Variants in SLC16A12 observed in about 807,000 individuals in gnomAD.
SLC16A12 encodes the protein monocarboxylate transporter 12.
A neutral mutation model predicts 42.4 loss-of-function variants in SLC16A12; 17 were observed. The observed-to-expected ratio is 0.40, with a 90% CI of 0.27 to 0.60. The LOEUF is 0.60. Among genes scored for constraint, SLC16A12 ranks in the 20% least tolerant of loss-of-function variants. SLC16A12 has a pLI of 0.42. For missense variants in SLC16A12, 544 were observed against 623.0 expected (o/e 0.87, Z 1.35); for synonymous variants, 224 against 229.4 (o/e 0.98, Z 0.21).
chr10:89,436,510 G>A (rs992073886), intron 6 of SLC16A12, among the ~76,000 whole-genome samples, 191 bp from the exon 7 acceptor site: 4 of 152,150 alleles, frequency 2.6e-5, no homozygotes, highest in African/African-American at 9.7e-5. Flanking sequence ...GAAGCATGGT[G>A]TGGTAGAAAG....
At chr10:89,548,081 GA>G in intron 2 of SLC16A12, among the ~76,000 whole-genome samples, 1 of 152,000 alleles carries the variant, frequency 6.6e-6, no homozygotes, top group African/African-American at 2.4e-5. Flanking sequence ...AAGCAGGAAG[GA>G]AGGCAGTCTT....
chr10:89,553,737 G>A (rs959424233), intron 2 of SLC16A12, among the ~76,000 whole-genome samples: 6 of 151,994 alleles, frequency 3.9e-5, no homozygotes, highest in African/African-American at 1.5e-4. Flanking sequence ...GGCCAGGTGC[G>A]GTGGCTCACG....
intron 2 of SLC16A12, among the ~76,000 whole-genome samples, chr10:89,484,824 A>G (rs750975006): frequency 6.6e-5 from 10 of 152,220 alleles, no homozygotes; most frequent in Admixed American, 5.2e-4. Context: ...GTATGCACTC[A>G]GATACAAGGG....
intron 2 of SLC16A12, among the ~76,000 whole-genome samples, chr10:89,507,052 A>G (rs1013558458): frequency 6.6e-6 from 1 of 151,852 alleles, no homozygotes; most frequent in Non-Finnish European, 1.5e-5. Context: ...AAATGAAAAA[A>G]CCCTCCAAGA....
At chr10:89,532,873 C>A (rs1258817907) in intron 2 of SLC16A12, among the ~76,000 whole-genome samples, 1 of 152,158 alleles carries the variant, frequency 6.6e-6, no homozygotes, top group East Asian at 1.9e-4. Flanking sequence ...AACAACAGAA[C>A]ACCATCTTCA....
chr10:89,520,175 T>C (rs1336254265), intron 2 of SLC16A12, among the ~76,000 whole-genome samples: 3 of 151,982 alleles, frequency 2.0e-5, no homozygotes, highest in African/African-American at 4.8e-5. Flanking sequence ...AAGTATATCA[T>C]TGTCACCATC....
chr10:89,527,813 A>AAG lies in SLC16A12; in HGVS notation c.-47+6686_-47+6687dup, dbSNP rs551677855. On this transcript the variant is annotated intron_variant, in intron 2 of 7. Transcript: ENST00000371790. ...TGAGACCCCATCTCTTAAAAAAAAA[A>AAG]AGAGAGAGAGAGAGAGAGAAAAGAA... 1.2e-3 allele frequency among the ~76,000 whole-genome samples: 173 copies of AAG among 142,802 alleles called. 1 individual carries two copies. The highest frequency in any genetic ancestry group is 3.8e-3 in the African/African-American group (149 of 38,846). The allele number at this position is 142,802 out of a possible 152,430, so 93.7% of individuals were successfully genotyped here.
In SLC16A12 at chr10:89,441,269, A is replaced by T; in HGVS notation, c.305-18T>A. 6 of 1,613,862 alleles carry T rather than the reference A, an allele frequency of 3.7e-6. No individual in the cohort carries two copies. The highest frequency in any genetic ancestry group is 2.5e-6 in the Non-Finnish European group (3 of 1,179,844). On this transcript the variant is annotated intron_variant, in intron 4 of 7. Transcript: ENST00000371790. ...AAGTGGAGCTTCAAAAACAATAAGAAATAGGTTCAACAGAAAGGCCTTGAG... is the reference window on the plus strand; with the variant it reads ...AAGTGGAGCTTCAAAAACAATAAGATATAGGTTCAACAGAAAGGCCTTGAG...
At chr10:89,535,353 A>G (rs2133877392) in intron 1 of SLC16A12, 89 bp downstream of exon 1, 1 of 152,318 alleles carries the variant, frequency 6.6e-6, no homozygotes, top group East Asian at 1.9e-4. Flanking sequence ...GGCAGCGGAG[A>G]ATGGAGGGTC....
At chr10:89,442,540 T>C (rs1210081858) in intron 4 of SLC16A12, among the ~76,000 whole-genome samples, 1 of 152,156 alleles carries the variant, frequency 6.6e-6, no homozygotes, top group Admixed American at 6.5e-5. Flanking sequence ...ATGGCTTCTT[T>C]GGTGTGCTGA....
chr10:89,480,216 C>T (rs554806480), intron 2 of SLC16A12, among the ~76,000 whole-genome samples: 9 of 152,296 alleles, frequency 5.9e-5, no homozygotes, highest in African/African-American at 2.2e-4. Context: ...ATGAATACCA[C>T]ATTACATTTT....
At chr10:89,491,775 A>G (rs1184187892) in intron 2 of SLC16A12, among the ~76,000 whole-genome samples, 1 of 152,236 alleles carries the variant, frequency 6.6e-6, no homozygotes, top group Non-Finnish European at 1.5e-5. Flanking sequence ...ATGAGCAGAA[A>G]GCCATGGGAC....
At chr10:89,474,368 G>C (rs1217670878) in intron 2 of SLC16A12, among the ~76,000 whole-genome samples, 2 of 152,050 alleles carry the variant, frequency 1.3e-5, no homozygotes, top group African/African-American at 4.8e-5. Flanking sequence ...ACACTGCCTG[G>C]TTCAGAATAA....
intron 2 of SLC16A12, among the ~76,000 whole-genome samples, chr10:89,510,568 T>A (rs923421608): frequency 3.3e-5 from 5 of 152,176 alleles, no homozygotes; most frequent in African/African-American, 1.2e-4. Flanking sequence ...TTACACCTTA[T>A]ACAAAAATTA....
chr10:89,531,094 G>A (rs1466351370), intron 2 of SLC16A12, among the ~76,000 whole-genome samples: 1 of 151,856 alleles, frequency 6.6e-6, no homozygotes, highest in Non-Finnish European at 1.5e-5. Context: ...ATATTACATC[G>A]GTTTAGGCAA....
chr10:89,448,212 C>G (rs557177435), intron 3 of SLC16A12, among the ~76,000 whole-genome samples: 8 of 152,298 alleles, frequency 5.3e-5, no homozygotes, highest in South Asian at 2.1e-4. Context: ...CCTTCTGAAA[C>G]TATTCCAATC....
intron 4 of SLC16A12, among the ~76,000 whole-genome samples, chr10:89,443,276 G>C (rs1841944321): frequency 6.6e-6 from 1 of 152,266 alleles, no homozygotes; most frequent in Non-Finnish European, 1.5e-5. Context: ...CAAGCCCTGG[G>C]GGAGGAACAG....
chr10:89,462,343 G>T (rs754271522), intron 3 of SLC16A12, 36 bp downstream of exon 3: 1 of 1,613,252 alleles, frequency 6.2e-7, no homozygotes, highest in Non-Finnish European at 8.5e-7. Context: ...GACAGGCCAG[G>T]TCATCTTAAT....
At chr10:89,554,113 A>G (rs1469902287) in intron 2 of SLC16A12, among the ~76,000 whole-genome samples, 1 of 146,960 alleles carries the variant, frequency 6.8e-6, no homozygotes, top group African/African-American at 2.5e-5. Flanking sequence ...GGAAGGAAGG[A>G]AGGAAGGAAG....
Sources: allele counts gnomAD v4.1 joint callset (sites outside exome capture counted in the v4.1 genomes callset), GRCh38; gene constraint gnomAD v4.1.1; transcripts MANE v1.5; gene names NCBI Gene and HGNC (gene_info 2026-07-23, HGNC 2026-07-21).